Variants in ERBB4 observed in about 807,000 individuals in gnomAD.
ERBB4 encodes receptor tyrosine-protein kinase erbB-4.
ERBB4 carries 42 observed loss-of-function variants against 158.0 expected under a neutral mutation model. The ratio of observed to expected loss-of-function variants is 0.27; its 90% CI spans 0.21 to 0.34. ERBB4 has a LOEUF of 0.34. ERBB4 is among the 10% of genes least tolerant of loss of function. ERBB4 has a pLI of 1.00. For missense variants in ERBB4, 1,333 were observed against 1,624.1 expected (o/e 0.82, Z 3.08); for synonymous variants, 583 against 558.7 (o/e 1.04, Z -0.61).
chr2:211,609,803 A>G (rs2069124017), intron 19 of ERBB4, among the ~76,000 whole-genome samples: 1 of 152,198 alleles, frequency 6.6e-6, no homozygotes, highest in African/African-American at 2.4e-5. Context: ...CTTGGCCCCT[A>G]CACTGACAAA....
intron 1 of ERBB4, among the ~76,000 whole-genome samples, chr2:212,252,630 T>C (rs2084581112): frequency 6.6e-6 from 1 of 152,014 alleles, no homozygotes; most frequent in Non-Finnish European, 1.5e-5. Context: ...AATCAGGATG[T>C]AGCCAGGGGA....
intron 4 of ERBB4, among the ~76,000 whole-genome samples, chr2:211,775,932 G>A (rs1370560330): frequency 6.6e-6 from 1 of 152,160 alleles, no homozygotes; most frequent in Non-Finnish European, 1.5e-5. Flanking sequence ...GCTGAAGATG[G>A]TGATATACAG....
At chr2:211,718,215 A>G (rs935960393) in intron 7 of ERBB4, among the ~76,000 whole-genome samples, 1 of 152,264 alleles carries the variant, frequency 6.6e-6, no homozygotes, top group South Asian at 2.1e-4. Flanking sequence ...CCTGGCCAGA[A>G]GATATAATTT....
chr2:211,376,704 T>C lies in ERBB4; in HGVS notation c.*6911A>G, dbSNP rs559396581. The C allele has an allele frequency of 8.1e-5, 19 of 233,138 alleles. No homozygotes were observed. The East Asian group carries it at 1.1e-3, about 14-fold the overall frequency. 14.4% of individuals were successfully genotyped at this position (233,138 alleles called of 1,614,324 possible). On this transcript the variant is annotated 3_prime_UTR_variant, in exon 28 of 28. Coordinates refer to ENST00000342788, the MANE Select transcript of ERBB4 (RefSeq NM_005235.3). ...TACTTTGATGCATGTATAAGATGAA[T>C]GTTTGAGAGTAGATTTAAGATGACT...
At chr2:212,077,332 T>C (rs1416234918) in intron 2 of ERBB4, among the ~76,000 whole-genome samples, 3 of 151,964 alleles carry the variant, frequency 2.0e-5, no homozygotes, top group Admixed American at 6.6e-5. Context: ...AAAATAATTA[T>C]GGCAGTGTTA....
chr2:212,148,709 T>C lies in ERBB4; in HGVS notation c.83-23806A>G, dbSNP rs536909946. 4.0e-5 allele frequency among the ~76,000 whole-genome samples: 6 copies of C among 151,402 alleles called. No individual in the cohort carries two copies. In the South Asian group the frequency reaches 1.3e-3, roughly 32 times the overall value. ...TAAATCACGCTGCTATAAAGACACA[T>C]GCACACGTATGTTTATTGCGGCATT... On this transcript the variant is annotated intron_variant, in intron 1 of 27. Transcript: ENST00000342788.
intron 1 of ERBB4, among the ~76,000 whole-genome samples, chr2:212,515,858 T>C (rs1314824935): frequency 6.6e-6 from 1 of 152,010 alleles, no homozygotes; most frequent in African/African-American, 2.4e-5. Context: ...CATAATTACC[T>C]GTAAAGATGT....
chr2:212,449,885 T>C (rs572082060), intron 1 of ERBB4, among the ~76,000 whole-genome samples: 1 of 152,222 alleles, frequency 6.6e-6, no homozygotes, highest in African/African-American at 2.4e-5. Flanking sequence ...TAGACACTTA[T>C]TGTAGGTTTG....
chr2:211,552,619 G>GA lies in ERBB4; in HGVS notation c.2487+9283dup, dbSNP rs568116704. ...TAACCTCAAATCAATTAGGGCACCG[G>GA]AAAAAAAAATCTGACAAGGTAAATA... On this transcript the variant is annotated intron_variant, in intron 20 of 27. Transcript: ENST00000342788. 6.1e-4 allele frequency among the ~76,000 whole-genome samples: 92 copies of GA among 150,862 alleles called. 1 individual carries two copies. The highest frequency in any genetic ancestry group is 3.4e-3 in the Middle Eastern group (1 of 290).
At chr2:211,743,342 T>C (rs1280724938) in intron 5 of ERBB4, among the ~76,000 whole-genome samples, 1 of 152,088 alleles carries the variant, frequency 6.6e-6, no homozygotes, top group African/African-American at 2.4e-5. Flanking sequence ...TTCCCCCTCC[T>C]CACTCAAAAT....
intron 20 of ERBB4, among the ~76,000 whole-genome samples, chr2:211,507,293 T>A (rs1353885858): frequency 6.6e-6 from 1 of 152,150 alleles, no homozygotes; most frequent in Non-Finnish European, 1.5e-5. Flanking sequence ...AAAGAAGAGC[T>A]AGTACCTGTC....
intron 2 of ERBB4, among the ~76,000 whole-genome samples, chr2:211,958,080 G>A (rs971878855): frequency 2.0e-5 from 3 of 152,046 alleles, no homozygotes; most frequent in African/African-American, 7.2e-5. Flanking sequence ...GAGAGCCAAA[G>A]TATCAGGCCT....
intron 2 of ERBB4, among the ~76,000 whole-genome samples, chr2:212,074,498 G>A (rs2078217532): frequency 6.6e-6 from 1 of 151,838 alleles, no homozygotes; most frequent in Admixed American, 6.6e-5. Flanking sequence ...CAATTGAAGA[G>A]GTTTTGGTTA....
At chr2:212,409,579 ATGTT>A (rs1181676741) in intron 1 of ERBB4, among the ~76,000 whole-genome samples, 1 of 152,172 alleles carries the variant, frequency 6.6e-6, no homozygotes, top group Non-Finnish European at 1.5e-5. Flanking sequence ...GTTCTTTACA[ATGTT>A]TGTAAAACTA....
intron 3 of ERBB4, among the ~76,000 whole-genome samples, chr2:211,825,228 TTTA>T: frequency 6.6e-6 from 1 of 151,992 alleles, no homozygotes. Context: ...AACATGTAGA[TTTA>T]TTATCATCAT....
chr2:211,982,321 T>C (rs762190985), intron 2 of ERBB4, among the ~76,000 whole-genome samples: 1 of 152,110 alleles, frequency 6.6e-6, no homozygotes, highest in Non-Finnish European at 1.5e-5. Flanking sequence ...AAGTTCTAAG[T>C]GAGTCAGTGT....
At chr2:211,664,251 C>T (rs1244983555) in intron 15 of ERBB4, among the ~76,000 whole-genome samples, 1 of 152,104 alleles carries the variant, frequency 6.6e-6, no homozygotes, top group Non-Finnish European at 1.5e-5. Context: ...ATCCCTTAAT[C>T]TGACAGAAAA....
chr2:212,512,086 T>G (rs902029079), intron 1 of ERBB4, among the ~76,000 whole-genome samples: 1 of 152,130 alleles, frequency 6.6e-6, no homozygotes, highest in African/African-American at 2.4e-5. Flanking sequence ...GAAATGACGA[T>G]AATAGGCTTA....
At chr2:212,340,416 A>G (rs1172462701) in intron 1 of ERBB4, among the ~76,000 whole-genome samples, 1 of 152,166 alleles carries the variant, frequency 6.6e-6, no homozygotes, top group African/African-American at 2.4e-5. Flanking sequence ...CATACAATAG[A>G]ATGAAATCAT....
Sources: gnomAD v4.1 joint callset for allele counts (sites outside exome capture counted in the v4.1 genomes callset) on GRCh38, gnomAD v4.1.1 for gene constraint, MANE v1.5 for transcripts, NCBI Gene and HGNC (gene_info 2026-07-23, HGNC 2026-07-21) for gene names.